The following IQCK variants were observed in gnomAD, a reference collection of about 807,000 sequenced individuals.
IQCK encodes IQ domain-containing protein K.
Under a neutral mutation model 28.1 loss-of-function variants are expected in IQCK, and 29 were observed. The ratio of observed to expected loss-of-function variants is 1.03; its 90% CI spans 0.77 to 1.41. The LOEUF (loss-of-function observed/expected upper bound fraction) is 1.41, where lower values mean the gene tolerates loss of function less well. IQCK is among the 40% of genes most tolerant of loss of function. The probability of loss-of-function intolerance (pLI) is 0.00; values close to 1 mark genes in which losing one functional copy is unlikely to be tolerated. For synonymous variants in IQCK, 113 were observed against 115.1 expected, an observed-to-expected ratio of 0.98 and a Z score of 0.12; for missense variants, 359 against 314.7, an observed-to-expected ratio of 1.14 and a Z score of -1.07.
exon 10 of IQCK, chr16:19,857,527 TTATC>T (rs1265328438): frequency 2.5e-6 from 1 of 405,574 alleles, no homozygotes; most frequent in Non-Finnish European, 4.7e-6. Context: ...TAAATATATA[TTATC>T]TATCAAAAGT....
intron 6 of IQCK, among the ~76,000 whole-genome samples, chr16:19,787,086 A>G (rs2055572919): frequency 2.0e-5 from 1 of 50,816 alleles, no homozygotes; most frequent in Admixed American, 1.9e-4. Flanking sequence ...TCATTTAAAC[A>G]AATAGACTAT....
At chr16:19,745,991 A>G (rs1429828664) in intron 4 of IQCK, among the ~76,000 whole-genome samples, 1 of 152,140 alleles carries the variant, frequency 6.6e-6, no homozygotes, top group Non-Finnish European at 1.5e-5. Flanking sequence ...CATGACTTCC[A>G]CCAAGTTCTC....
intron 6 of IQCK, among the ~76,000 whole-genome samples, chr16:19,782,646 GAGAA>G (rs1379550709): frequency 2.9e-5 from 4 of 136,450 alleles, no homozygotes; most frequent in Admixed American, 6.9e-5. Context: ...AAGAGAAAGA[GAGAA>G]AGAAAAGTGG....
chr16:19,808,369 A>G (rs1473668740), intron 7 of IQCK, among the ~76,000 whole-genome samples: 1 of 152,190 alleles, frequency 6.6e-6, no homozygotes, highest in African/African-American at 2.4e-5. Context: ...TACCCCCAGT[A>G]TGTGACGAAA....
intron 6 of IQCK, among the ~76,000 whole-genome samples, chr16:19,775,206 G>A (rs1192534322): frequency 1.4e-5 from 2 of 147,224 alleles, no homozygotes; most frequent in Admixed American, 6.8e-5. Context: ...CAGCCTGGGC[G>A]ACAGGGTGAG....
At chr16:19,760,893 A>G (rs1395550267) in intron 4 of IQCK, among the ~76,000 whole-genome samples, 4 of 152,142 alleles carry the variant, frequency 2.6e-5, no homozygotes, top group African/African-American at 9.7e-5. Context: ...CAAGGGGTGG[A>G]TTATTCATGC....
intron 4 of IQCK, among the ~76,000 whole-genome samples, chr16:19,751,774 G>A (rs1289805988): frequency 1.3e-5 from 2 of 152,082 alleles, no homozygotes; most frequent in African/African-American, 2.4e-5. Context: ...TTGAAGCTAG[G>A]TGTGCAAATA....
At chr16:19,746,411 A>T (rs530576385) in intron 4 of IQCK, among the ~76,000 whole-genome samples, 3 of 152,142 alleles carry the variant, frequency 2.0e-5, no homozygotes, top group Non-Finnish European at 4.4e-5. Context: ...CTGTTTTGCT[A>T]TCAAATAGTA....
chr16:19,793,662 T>TG (rs1397622130), intron 7 of IQCK, among the ~76,000 whole-genome samples: 4 of 134,156 alleles, frequency 3.0e-5, no homozygotes, highest in Non-Finnish European at 6.1e-5. Context: ...TTTTTTTTTT[T>TG]TTTTTTTTTT....
intron 4 of IQCK, among the ~76,000 whole-genome samples, chr16:19,742,239 C>T (rs1214035587): frequency 6.6e-6 from 1 of 152,158 alleles, no homozygotes; most frequent in Non-Finnish European, 1.5e-5. Context: ...GCTTCTCACG[C>T]TTTGCCAGGA....
rs117192569 is a variant in IQCK, at chr16:19,816,641, A to T, written c.691-10385A>T. On this transcript the variant is annotated intron_variant, in intron 7 of 7. Transcript: ENST00000564186. Reference sequence around the variant, plus strand: ...AAATTATAAAATTACAAAATCATTTATATATTCAATACTTTGTAAACCCTT... The same window carrying T: ...AAATTATAAAATTACAAAATCATTTTTATATTCAATACTTTGTAAACCCTT... Among the ~76,000 whole-genome samples, 1,143 of 152,336 alleles carry T rather than the reference A, an allele frequency of 7.5e-3. 47 individuals are homozygous for T. Among genetic ancestry groups the T allele is most frequent in the Admixed American group, 0.062 (950 of 15,292 alleles).
intron 1 of IQCK, among the ~76,000 whole-genome samples, chr16:19,728,722 T>C (rs1003742175): frequency 3.3e-5 from 5 of 152,232 alleles, no homozygotes; most frequent in African/African-American, 1.2e-4. Flanking sequence ...ATAATAAATT[T>C]GTGTTCCTTT....
intron 9 of IQCK, among the ~76,000 whole-genome samples, chr16:19,832,575 A>G (rs886395336): frequency 6.6e-6 from 1 of 152,206 alleles, no homozygotes; most frequent in African/African-American, 2.4e-5. Context: ...TTCTGTAAGT[A>G]AAATACTTAA....
intron 4 of IQCK, among the ~76,000 whole-genome samples, chr16:19,746,864 A>C (rs1022069673): frequency 4.6e-5 from 7 of 152,368 alleles, no homozygotes; most frequent in African/African-American, 1.2e-4. Context: ...AGCAGTCTTG[A>C]CTAACTGCCA....
intron 9 of IQCK, among the ~76,000 whole-genome samples, chr16:19,846,053 G>A (rs2056412397): frequency 6.6e-6 from 1 of 152,076 alleles, no homozygotes; most frequent in Admixed American, 6.6e-5. Context: ...CTCCAGCCTG[G>A]GCAATAGAGC....
intron 9 of IQCK, among the ~76,000 whole-genome samples, chr16:19,850,709 T>C (rs2056471530): frequency 6.6e-6 from 1 of 152,160 alleles, no homozygotes; most frequent in Admixed American, 6.5e-5. Flanking sequence ...GGGCAAAGAA[T>C]ATGCCCTAAG....
intron 7 of IQCK, among the ~76,000 whole-genome samples, chr16:19,817,318 A>G (rs1457457347): frequency 6.6e-6 from 1 of 152,172 alleles, no homozygotes; most frequent in Non-Finnish European, 1.5e-5. Flanking sequence ...AACTACTGCC[A>G]TTGAAATTGA....
At chr16:19,722,612 A>G (rs781081227) in intron 1 of IQCK, among the ~76,000 whole-genome samples, 6 of 152,116 alleles carry the variant, frequency 3.9e-5, no homozygotes, top group African/African-American at 7.2e-5. Context: ...ACTGTTTTCA[A>G]TGCTGGGCCA....
chr16:19,810,064 C>G (rs112136956), intron 7 of IQCK, among the ~76,000 whole-genome samples: 1 of 152,024 alleles, frequency 6.6e-6, no homozygotes, highest in African/African-American at 2.4e-5. Context: ...TTTAGAGCAC[C>G]CCCAAGAGAG....
Sources: allele counts gnomAD v4.1 joint callset (sites outside exome capture counted in the v4.1 genomes callset), GRCh38; gene constraint gnomAD v4.1.1; transcripts MANE v1.5; gene names NCBI Gene and HGNC (gene_info 2026-07-23, HGNC 2026-07-21).